The following RTL4 variants were observed in gnomAD, a reference collection of about 807,000 sequenced individuals.
The protein encoded by RTL4 is retrotransposon Gag like 4.
In RTL4, 4 loss-of-function variants were observed where a neutral mutation model predicts 5.3. That is an observed-to-expected ratio of 0.75 (90% CI 0.37 to 1.72). The LOEUF is 1.72. Among genes scored for constraint, RTL4 ranks in the 40% most tolerant of loss-of-function variants. The pLI, the probability that RTL4 is intolerant of heterozygous loss-of-function variation, is 0.04. For missense variants in RTL4, 260 were observed against 227.1 expected, an observed-to-expected ratio of 1.14 and a Z score of -0.93; for synonymous variants, 98 against 87.3, an observed-to-expected ratio of 1.12 and a Z score of -0.68.
the RTL4 span, among the ~76,000 whole-genome samples, chrX:112,118,444 G>A: frequency 2.7e-5 from 3 of 112,325 alleles, no homozygotes; most frequent in Admixed American, 1.9e-4. Flanking sequence ...TCATGACATG[G>A]CAGCTGACAA....
chrX:112,328,706 T>A, the RTL4 span, among the ~76,000 whole-genome samples: 1 of 111,721 alleles, frequency 9.0e-6, no homozygotes, highest in African/African-American at 3.3e-5. Context: ...AGAATATACA[T>A]TTTTTTCAGC....
the RTL4 span, among the ~76,000 whole-genome samples, chrX:112,325,266 C>A: frequency 2.7e-5 from 3 of 111,694 alleles, no homozygotes. Context: ...ATCAAGCTAC[C>A]AATGACATTC....
At chrX:112,139,079 G>T in the RTL4 span, among the ~76,000 whole-genome samples, 3 of 111,323 alleles carry the variant, frequency 2.7e-5, no homozygotes, top group Non-Finnish European at 5.7e-5. Flanking sequence ...CAAGCATTTT[G>T]TAGAGTATCC....
At chrX:112,352,969 A>T in the RTL4 span, among the ~76,000 whole-genome samples, 1,024 of 111,680 alleles carry the variant, frequency 9.2e-3, 16 homozygotes, top group African/African-American at 0.032. Flanking sequence ...TACAATGGAC[A>T]CAAACAAATT....
chrX:112,239,277 AG>A, the RTL4 span, among the ~76,000 whole-genome samples: 1 of 111,091 alleles, frequency 9.0e-6, no homozygotes, highest in Non-Finnish European at 1.9e-5. Flanking sequence ...GGGTAGTGTC[AG>A]TGGGGCCTAG....
the RTL4 span, among the ~76,000 whole-genome samples, chrX:112,128,547 T>C: frequency 9.3e-6 from 1 of 107,218 alleles, no homozygotes; most frequent in African/African-American, 3.4e-5. Flanking sequence ...TAGTCCCAGC[T>C]ACTTGGGAGA....
At chrX:112,278,206 T>C in the RTL4 span, among the ~76,000 whole-genome samples, 1 of 112,616 alleles carries the variant, frequency 8.9e-6, no homozygotes, top group Non-Finnish European at 1.9e-5. Context: ...CAATCTGACT[T>C]TAAAATTTCT....
chrX:112,126,017 C>G, the RTL4 span, among the ~76,000 whole-genome samples: 15,067 of 110,801 alleles, frequency 0.14, 1,994 homozygotes, highest in African/African-American at 0.41. Context: ...GAGTTTAGTA[C>G]GATACTATCC....
the RTL4 span, among the ~76,000 whole-genome samples, chrX:112,328,261 C>T: frequency 4.0e-3 from 441 of 110,460 alleles, 4 homozygotes; most frequent in African/African-American, 0.014. Context: ...TCAGGAAACC[C>T]ATCTCATGTG....
At chrX:112,273,285 C>G in the RTL4 span, among the ~76,000 whole-genome samples, 7,033 of 107,174 alleles carry the variant, frequency 0.066, 565 homozygotes, top group African/African-American at 0.23. Context: ...ATGGAGTCTC[C>G]CTCTGTTGCC....
At chrX:112,168,939 TTTTCTTTC>T in the RTL4 span, among the ~76,000 whole-genome samples, 1,636 of 91,779 alleles carry the variant, frequency 0.018, 18 homozygotes, top group Non-Finnish European at 0.021. Flanking sequence ...CTTTCTTTCT[TTTTCTTTC>T]TTTCTTTCTT....
the RTL4 span, among the ~76,000 whole-genome samples, chrX:112,109,579 G>A: frequency 3.6e-5 from 4 of 111,922 alleles, no homozygotes; most frequent in Non-Finnish European, 5.6e-5. Flanking sequence ...GTGCTGATTG[G>A]TGCTTTTTTA....
the RTL4 span, among the ~76,000 whole-genome samples, chrX:112,367,963 G>T: frequency 3.6e-5 from 4 of 111,981 alleles, no homozygotes; most frequent in East Asian, 1.1e-3. Flanking sequence ...TTGGCATGAT[G>T]GTGAAAAGGC....
the RTL4 span, among the ~76,000 whole-genome samples, chrX:112,123,028 C>G: frequency 9.0e-6 from 1 of 111,563 alleles, no homozygotes; most frequent in Non-Finnish European, 1.9e-5. Flanking sequence ...ATACAAAGCA[C>G]TAATGGCTCT....
At chrX:112,303,506 G>A in the RTL4 span, among the ~76,000 whole-genome samples, 5 of 100,137 alleles carry the variant, frequency 5.0e-5, no homozygotes, top group African/African-American at 1.9e-4. Flanking sequence ...CTATTGCAAG[G>A]ACAAAAAACC....
chrX:112,430,375 G>A, the RTL4 span, among the ~76,000 whole-genome samples: 1 of 110,705 alleles, frequency 9.0e-6, no homozygotes, highest in African/African-American at 3.3e-5. Flanking sequence ...CTGTTCCAGC[G>A]TTTTTTATAT....
At chrX:112,231,832 CTG>C in the RTL4 span, among the ~76,000 whole-genome samples, 2 of 111,132 alleles carry the variant, frequency 1.8e-5, no homozygotes, top group African/African-American at 6.6e-5. Flanking sequence ...GATGAGAAAA[CTG>C]AGACTGAGAA....
chrX:112,242,226 T>G, the RTL4 span, among the ~76,000 whole-genome samples: 1 of 112,187 alleles, frequency 8.9e-6, no homozygotes, highest in Non-Finnish European at 1.9e-5. Flanking sequence ...TTTCCAATTC[T>G]GTGAAGAAGG....
At chrX:112,431,777 T>C in the RTL4 span, among the ~76,000 whole-genome samples, 12 of 108,398 alleles carry the variant, frequency 1.1e-4, no homozygotes, top group African/African-American at 4.0e-4. Flanking sequence ...ATGTGCACAA[T>C]GTGCAGGTTA....
Sources: allele counts gnomAD v4.1 joint callset (sites outside exome capture counted in the v4.1 genomes callset), GRCh38; gene constraint gnomAD v4.1.1; transcripts MANE v1.5; gene names NCBI Gene and HGNC (gene_info 2026-07-23, HGNC 2026-07-21).